GRIK1: variants seen among roughly 807,000 people sequenced by gnomAD.
The protein encoded by GRIK1 is glutamate receptor ionotropic, kainate 1.
GRIK1 carries 69 observed loss-of-function variants against 105.7 expected under a neutral mutation model. The ratio of observed to expected loss-of-function variants is 0.65; its 90% CI spans 0.54 to 0.80. The LOEUF (loss-of-function observed/expected upper bound fraction) is 0.80, where lower values mean the gene tolerates loss of function less well. Among genes scored for constraint, GRIK1 ranks in the 30% least tolerant of loss-of-function variants. The pLI, the probability that GRIK1 is intolerant of heterozygous loss-of-function variation, is 0.00. For synonymous variants in GRIK1, 438 were observed against 431.3 expected, an observed-to-expected ratio of 1.02 and a Z score of -0.19; for missense variants, 1,109 against 1,167.3, an observed-to-expected ratio of 0.95 and a Z score of 0.73.
chr21:29,920,563 T>C (rs747747962), intron 1 of GRIK1, among the ~76,000 whole-genome samples: 21 of 152,126 alleles, frequency 1.4e-4, no homozygotes, highest in Non-Finnish European at 2.4e-4. Context: ...TCATTAATAA[T>C]ATTTGTCGTA....
intron 7 of GRIK1, among the ~76,000 whole-genome samples, chr21:29,620,808 T>TATATATATATATATATAG (rs2061978720): frequency 9.8e-5 from 12 of 122,618 alleles, no homozygotes; most frequent in Non-Finnish European, 1.3e-4. Flanking sequence ...TATATATAGA[T>TATATATATATATATATAG]ATATATATAT....
At chr21:29,666,842 C>A (rs945711290) in intron 4 of GRIK1, among the ~76,000 whole-genome samples, 1 of 152,196 alleles carries the variant, frequency 6.6e-6, no homozygotes, top group African/African-American at 2.4e-5. Flanking sequence ...TTGTTGTACA[C>A]AACAGTAGCA....
chr21:29,854,664 T>C (rs970886951), intron 1 of GRIK1, among the ~76,000 whole-genome samples: 11 of 152,160 alleles, frequency 7.2e-5, no homozygotes, highest in African/African-American at 2.7e-4. Context: ...ATATCATATA[T>C]AAAATAGTGG....
intron 1 of GRIK1, among the ~76,000 whole-genome samples, chr21:29,792,180 A>G (rs757988931): frequency 8.5e-5 from 13 of 152,120 alleles, no homozygotes; most frequent in Non-Finnish European, 1.8e-4. Context: ...GTGTATATGT[A>G]TATGTGTGGA....
chr21:29,700,669 G>A (rs2063794930), intron 1 of GRIK1, among the ~76,000 whole-genome samples: 1 of 152,100 alleles, frequency 6.6e-6, no homozygotes, highest in African/African-American at 2.4e-5. Flanking sequence ...GGAACAGGGA[G>A]CTATCCGAAT....
At chr21:29,617,421 T>G (rs542413375) in intron 7 of GRIK1, among the ~76,000 whole-genome samples, 1 of 152,190 alleles carries the variant, frequency 6.6e-6, no homozygotes, top group Non-Finnish European at 1.5e-5. Context: ...CAGTACTGAA[T>G]ATAAATGATT....
At chr21:29,909,906 A>AGTC (rs2070758696) in intron 1 of GRIK1, among the ~76,000 whole-genome samples, 1 of 152,178 alleles carries the variant, frequency 6.6e-6, no homozygotes, top group Non-Finnish European at 1.5e-5. Context: ...GGGATGAATA[A>AGTC]TTTTAAAAGA....
At chr21:29,837,887 T>G (rs1018766062) in intron 1 of GRIK1, among the ~76,000 whole-genome samples, 1 of 152,164 alleles carries the variant, frequency 6.6e-6, no homozygotes, top group African/African-American at 2.4e-5. Flanking sequence ...TTCTATATTT[T>G]GCCCCAAGAA....
chr21:29,900,278 A>G (rs936399247), intron 1 of GRIK1, among the ~76,000 whole-genome samples: 4 of 151,944 alleles, frequency 2.6e-5, no homozygotes, highest in African/African-American at 9.7e-5. Flanking sequence ...ATTCACACAT[A>G]AGAATATTAA....
chr21:29,552,723 T>C (rs189386510), intron 16 of GRIK1, among the ~76,000 whole-genome samples: 88 of 152,188 alleles, frequency 5.8e-4, no homozygotes, highest in Admixed American at 1.6e-3. Context: ...CTTAGGACTT[T>C]GCTGGGATCT....
At chr21:29,798,549 C>T (rs1176240982) in intron 1 of GRIK1, among the ~76,000 whole-genome samples, 2 of 152,172 alleles carry the variant, frequency 1.3e-5, no homozygotes, top group Non-Finnish European at 2.9e-5. Flanking sequence ...CCAGTCTTAA[C>T]ATTGTATCAC....
intron 16 of GRIK1, among the ~76,000 whole-genome samples, chr21:29,550,473 C>T (rs1327393201): frequency 2.6e-5 from 4 of 152,192 alleles, no homozygotes; most frequent in Non-Finnish European, 4.4e-5. Context: ...TGGTTCTCAG[C>T]GTTTCCAGCA....
rs138907472 is a variant in GRIK1, at chr21:29,725,494, G to T, written c.119-31431C>A. ...ATGGATTGATAAATCCACATATCGT[G>T]CTAGAGCTCAGTGTGAGGCAAGCAG... On this transcript the variant is annotated intron_variant, in intron 1 of 17. Transcript: ENST00000327783. Among the ~76,000 whole-genome samples the T allele has an allele frequency of 2.6e-4, 40 of 152,252 alleles. No homozygotes were observed. The East Asian group carries it at 6.6e-3, about 25-fold the overall frequency.
At chr21:29,721,409 A>T (rs2064317917) in intron 1 of GRIK1, among the ~76,000 whole-genome samples, 1 of 152,176 alleles carries the variant, frequency 6.6e-6, no homozygotes, top group African/African-American at 2.4e-5. Flanking sequence ...GCTTTCTCTT[A>T]AAAGTTCACA....
Position 29,560,355 on chromosome 21 carries a change from C to T in GRIK1, c.2356+1269G>A, listed in dbSNP as rs13049990. ...TCTTTCTTTCTTTCTTTCTTTCTTT[C>T]TTTTTCTTTCTTCCTTCCTTCCTTC... is the stretch of plus-strand genomic sequence containing the variant. On this transcript the variant is annotated intron_variant, in intron 15 of 17. Transcript: ENST00000327783. Among the ~76,000 whole-genome samples the T allele has an allele frequency of 3.5e-3, 205 of 58,696 alleles. 3 individuals are homozygous for T. Among genetic ancestry groups the T allele is most frequent in the African/African-American group, 8.3e-3 (108 of 13,028 alleles). The allele number at this position is 58,696 out of a possible 152,430, so 38.5% of individuals were successfully genotyped here.
At chr21:29,920,979 A>G (rs1336748796) in intron 1 of GRIK1, among the ~76,000 whole-genome samples, 3 of 152,132 alleles carry the variant, frequency 2.0e-5, no homozygotes, top group African/African-American at 4.8e-5. Flanking sequence ...AAGCATCTAC[A>G]CTAAACCTGC....
chr21:29,785,561 CAAAAA>C (rs950219193), intron 1 of GRIK1, among the ~76,000 whole-genome samples: 11 of 58,032 alleles, frequency 1.9e-4, no homozygotes, highest in Admixed American at 2.1e-4. Flanking sequence ...GAGACTGTCT[CAAAAA>C]AAAAAAAAAA....
At chr21:29,738,314 A>G (rs1382778883) in intron 1 of GRIK1, among the ~76,000 whole-genome samples, 1 of 152,258 alleles carries the variant, frequency 6.6e-6, no homozygotes, top group Non-Finnish European at 1.5e-5. Flanking sequence ...TTATAAAGCC[A>G]TCTTTAATAA....
At chr21:29,560,821 C>T (rs1401285355) in intron 15 of GRIK1, among the ~76,000 whole-genome samples, 1 of 151,774 alleles carries the variant, frequency 6.6e-6, no homozygotes, top group Non-Finnish European at 1.5e-5. Flanking sequence ...AGGATAGTCT[C>T]GATCTCCTGA....
Sources: gnomAD v4.1 joint callset for allele counts (sites outside exome capture counted in the v4.1 genomes callset) on GRCh38, gnomAD v4.1.1 for gene constraint, MANE v1.5 for transcripts, NCBI Gene and HGNC (gene_info 2026-07-23, HGNC 2026-07-21) for gene names.